Variants in PYHIN1 observed in about 807,000 individuals in gnomAD.
PYHIN1 encodes the protein pyrin and HIN domain family member 1.
Under a neutral mutation model 43.7 loss-of-function variants are expected in PYHIN1, and 32 were observed. The observed-to-expected ratio is 0.73, with a 90% CI of 0.55 to 0.98. The LOEUF (loss-of-function observed/expected upper bound fraction) is 0.98, where lower values mean the gene tolerates loss of function less well. Among genes scored for constraint, PYHIN1 ranks in the 50% least tolerant of loss-of-function variants. The probability of loss-of-function intolerance (pLI) is 0.00; values close to 1 mark genes in which losing one functional copy is unlikely to be tolerated. For missense variants in PYHIN1, 588 were observed against 589.5 expected (o/e 1.00, Z 0.03); for synonymous variants, 205 against 203.1 (o/e 1.01, Z -0.08).
Position 158,933,595 on chromosome 1 carries a change from C to T in PYHIN1, c.-21+1819C>T, listed in dbSNP as rs1235741283. On this transcript the variant is annotated intron_variant, in intron 1 of 8. Transcript: ENST00000368140. This position sits in a 1 kb window ranked among gnomAD's most constrained non-coding sequence, Gnocchi z 6.3. ...AAATTTGATAAAAGTTGTCATTTAACTAGTTAACCTCTTTATGTATAGGCT... is the reference window on the plus strand; with the variant it reads ...AAATTTGATAAAAGTTGTCATTTAATTAGTTAACCTCTTTATGTATAGGCT... Among the ~76,000 whole-genome samples the T allele has an allele frequency of 2.6e-5, 4 of 151,982 alleles. No homozygotes were observed. The highest frequency in any genetic ancestry group is 4.4e-5 in the Non-Finnish European group (3 of 67,938).
chr1:158,949,669 G>A (rs528950566), intron 7 of PYHIN1, among the ~76,000 whole-genome samples: 1 of 152,032 alleles, frequency 6.6e-6, no homozygotes, highest in African/African-American at 2.4e-5. Context: ...TACTGAGAAT[G>A]ATGATTTCCA....
intron 7 of PYHIN1, among the ~76,000 whole-genome samples, chr1:158,965,972 A>C (rs927545609): frequency 6.6e-6 from 1 of 151,926 alleles, no homozygotes; most frequent in African/African-American, 2.4e-5. Flanking sequence ...AAAAATTAAT[A>C]AGAAAGATTG....
At position 158,935,517 on chromosome 1, in the gene PYHIN1, C is replaced by A. The variant is rs1039531299; in HGVS notation, c.-20-1374C>A. On this transcript the variant is annotated intron_variant, in intron 1 of 8. Transcript: ENST00000368140. ...TATTGAAATATTCCAGCCAATAAAT[C>A]CTGTGTTCCTGCAATAGAGAAAATG... Among the ~76,000 whole-genome samples, 7 of 152,148 alleles carry A rather than the reference C, an allele frequency of 4.6e-5. No individual in the cohort carries two copies. In the South Asian group the frequency reaches 6.2e-4, roughly 14 times the overall value.
intron 2 of PYHIN1, among the ~76,000 whole-genome samples, chr1:158,937,900 G>T (rs1258843798): frequency 6.7e-6 from 1 of 150,326 alleles, no homozygotes; most frequent in Non-Finnish European, 1.5e-5. Flanking sequence ...AGCCGAGATC[G>T]CGCCACTGCA....
chr1:158,982,402 T>C, the PYHIN1 span, among the ~76,000 whole-genome samples: 1 of 152,210 alleles, frequency 6.6e-6, no homozygotes, highest in Non-Finnish European at 1.5e-5. Context: ...TAGGAAGTAC[T>C]GTTTCCATTA....
At chr1:158,952,982 A>G (rs1044420330) in intron 7 of PYHIN1, among the ~76,000 whole-genome samples, 50 of 152,248 alleles carry the variant, frequency 3.3e-4, no homozygotes, top group Admixed American at 1.4e-3. Context: ...GAGTCAAAGA[A>G]AGGGGTGATC....
At position 158,954,122 on chromosome 1, in the gene PYHIN1, T is replaced by C. The variant is rs561424834; in HGVS notation, c.1359+9080T>C. The stretch of plus-strand genomic sequence containing the variant: ...TATGTGAAAAGACCAAATCTACGTC[T>C]GATTGGTGTACCTGAAAGTGATGGG... On this transcript the variant is annotated intron_variant, in intron 7 of 8. Transcript: ENST00000368140. Among the ~76,000 whole-genome samples, 62 of 32,556 alleles carry C rather than the reference T, an allele frequency of 1.9e-3. 1 individual carries two copies. Among genetic ancestry groups the C allele is most frequent in the African/African-American group, 7.6e-3 (61 of 8,056 alleles). The allele number at this position is 32,556 out of a possible 152,430, so 21.4% of individuals were successfully genotyped here.
At position 158,943,801 on chromosome 1, in the gene PYHIN1, T is replaced by C. The variant is rs1649061882; in HGVS notation, c.1014T>C (p.Asn338=). The part of the protein sequence containing the change: ...GLFMLHTKIV[N]RKTTIYEIQD... The stretch of plus-strand genomic sequence containing the variant: ...ATTTTTTGTTGCAGAAAATTGTAAA[T>C]AGGAAGACGACAATCTATGAAATTC... Residue 338 remains asparagine, a synonymous_variant, in exon 6 of 9, where the codon AAT becomes AAC. Coordinates refer to ENST00000368140, the MANE Select transcript of PYHIN1 (RefSeq NM_152501.5). 1 of 1,595,568 alleles carries C rather than the reference T, an allele frequency of 6.3e-7. No individual in the cohort carries two copies. Among genetic ancestry groups the C allele is most frequent in the Admixed American group, 1.7e-5 (1 of 57,890 alleles).
chr1:158,985,755 T>G, the PYHIN1 span, among the ~76,000 whole-genome samples: 1 of 152,214 alleles, frequency 6.6e-6, no homozygotes, highest in Admixed American at 6.5e-5. Flanking sequence ...TTCTCCAAGT[T>G]GCTTGGTCTC....
At chr1:158,981,244 T>C (rs1651474533), downstream of PYHIN1, among the ~76,000 whole-genome samples, 1 of 152,044 alleles carries the variant, frequency 6.6e-6, no homozygotes, top group African/African-American at 2.4e-5. Context: ...CTGAGGTGGG[T>C]GGATCATCTG....
chr1:158,975,406 G>A (rs1348546182), intron 8 of PYHIN1, among the ~76,000 whole-genome samples: 1 of 151,970 alleles, frequency 6.6e-6, no homozygotes, highest in East Asian at 1.9e-4. Context: ...TACTATATGG[G>A]AAAAAACGAA....
downstream of PYHIN1, among the ~76,000 whole-genome samples, chr1:158,979,834 T>C (rs1218157242): frequency 6.6e-6 from 1 of 152,150 alleles, no homozygotes; most frequent in African/African-American, 2.4e-5. Context: ...GTCACCTAGG[T>C]AGTAAGCACA....
downstream of PYHIN1, among the ~76,000 whole-genome samples, chr1:158,980,142 T>G (rs1651438551): frequency 6.6e-6 from 1 of 152,184 alleles, no homozygotes; most frequent in Non-Finnish European, 1.5e-5. Context: ...GAAGATTTTG[T>G]GGACATTTAT....
At position 158,942,106 on chromosome 1, in the gene PYHIN1, A is replaced by G; in HGVS notation, c.709A>G (p.Arg237Gly). 1 of 1,614,198 alleles carries G rather than the reference A, an allele frequency of 6.2e-7. No homozygotes were observed. Among genetic ancestry groups the G allele is most frequent in the Non-Finnish European group, 8.5e-7 (1 of 1,180,006 alleles). Residue 237 changes from arginine (R) to glycine (G), a missense_variant, in exon 5 of 9, where the codon AGA (arginine) becomes GGA (glycine). By Grantham distance (125) the Arg-to-Gly change is moderately radical (BLOSUM62 -2). Transcript: ENST00000368140. ...KYESSENEQRRMFHATVATQT... is the reference protein window; with the variant it reads ...KYESSENEQRGMFHATVATQT... Reference sequence around the variant, plus strand: ...TGAATCCTCAGAAAATGAGCAAAGAAGAATGTTTCATGCTACAGTGGCTAC... The same window carrying G: ...TGAATCCTCAGAAAATGAGCAAAGAGGAATGTTTCATGCTACAGTGGCTAC...
the PYHIN1 span, among the ~76,000 whole-genome samples, chr1:158,984,596 G>A: frequency 3.9e-5 from 6 of 152,142 alleles, no homozygotes; most frequent in African/African-American, 1.4e-4. Flanking sequence ...CAGAGTATGT[G>A]CCATGTGCAG....
Position 158,941,994 on chromosome 1 carries a change from CA to C in PYHIN1, c.599del (p.Asn200ThrfsTer16). On this transcript the variant is annotated frameshift_variant, in exon 5 of 9. Coordinates refer to ENST00000368140, the MANE Select transcript of PYHIN1 (RefSeq NM_152501.5). LOFTEE classifies it high-confidence loss of function. Reference protein sequence around the residue: ...SSTESLKPLANRHATASKNIF... With the variant: ...SSTESLKPLAXRHATASKNIF... ...ATGCGCAGAGCCTAAAACCATTGGCCAACCGTCACGCAACTGCCAGTAAAAA... is the reference window on the plus strand; with the variant it reads ...ATGCGCAGAGCCTAAAACCATTGGCCACCGTCACGCAACTGCCAGTAAAAA... 1.2e-6 allele frequency: 2 copies of C among 1,606,014 alleles called. No individual in the cohort carries two copies. Among genetic ancestry groups the C allele is most frequent in the African/African-American group, 2.7e-5 (2 of 74,598 alleles).
In PYHIN1 at chr1:158,931,685, A is replaced by G. The variant is rs1438599891; in HGVS notation, c.-112A>G. ...CTGTATTTCAGTTTCTGAGAGCTTT[A>G]CTGACTGATTTCCCTATTCAAAACA... On this transcript the variant is annotated 5_prime_UTR_variant, in exon 1 of 9. Coordinates refer to ENST00000368140, the MANE Select transcript of PYHIN1 (RefSeq NM_152501.5). The G allele has an allele frequency of 6.6e-6, 1 of 152,220 alleles. No individual in the cohort carries two copies. Among genetic ancestry groups the G allele is most frequent in the East Asian group, 1.9e-4 (1 of 5,192 alleles). The allele number at this position is 152,220 out of a possible 1,614,324, so 9.4% of individuals were successfully genotyped here.
intron 1 of PYHIN1, among the ~76,000 whole-genome samples, chr1:158,934,668 T>C (rs1340472084): frequency 1.3e-5 from 2 of 152,248 alleles, no homozygotes; most frequent in East Asian, 3.8e-4. Context: ...TTTAAATATC[T>C]AAATTACACA....
At chr1:158,958,052 T>G (rs2101699636) in intron 7 of PYHIN1, among the ~76,000 whole-genome samples, 1 of 152,234 alleles carries the variant, frequency 6.6e-6, no homozygotes, top group Non-Finnish European at 1.5e-5. Flanking sequence ...TAAACCACAA[T>G]GAGATACCAT....
Sources: allele counts gnomAD v4.1 joint callset (sites outside exome capture counted in the v4.1 genomes callset), GRCh38; gene constraint gnomAD v4.1.1; non-coding constraint Gnocchi (gnomAD v3.1); transcripts MANE v1.5; gene names NCBI Gene and HGNC (gene_info 2026-07-23, HGNC 2026-07-21).